GSDME: variants seen among roughly 807,000 people sequenced by gnomAD.
GSDME encodes the protein gasdermin E, also known as gasdermin-E.
GSDME carries 44 observed loss-of-function variants against 47.5 expected under a neutral mutation model. That is an observed-to-expected ratio of 0.93 (90% CI 0.73 to 1.19). The LOEUF is 1.19. Among genes scored for constraint, GSDME ranks in the 50% most tolerant of loss-of-function variants. GSDME has a pLI of 0.00. For missense variants in GSDME, 663 were observed against 604.2 expected, an observed-to-expected ratio of 1.10 and a Z score of -1.02; for synonymous variants, 258 against 252.8, an observed-to-expected ratio of 1.02 and a Z score of -0.20.
At chr7:24,765,376 T>C in the GSDME span, among the ~76,000 whole-genome samples, 1 of 152,216 alleles carries the variant, frequency 6.6e-6, no homozygotes, top group African/African-American at 2.4e-5. Context: ...ATGGGCACTG[T>C]TAAATTGTTT....
At position 24,745,585 on chromosome 7, in the gene GSDME, C is replaced by T. The variant is rs1188220281; in HGVS notation, c.212-831G>A. ...CTCACATCTCCAGGTTTCTACTATT[C>T]TCTTTTGTAATCCAAACAAAAACCA... On this transcript the variant is annotated intron_variant, in intron 2 of 9. Coordinates refer to ENST00000645220, the MANE Select transcript of GSDME (RefSeq NM_001127453.2). The surrounding 1 kb of genome is among the most constrained non-coding windows in gnomAD (Gnocchi z 4.4). 6.6e-6 allele frequency among the ~76,000 whole-genome samples: 1 copy of T among 152,146 alleles called. No homozygotes were observed. The highest frequency in any genetic ancestry group is 1.5e-5 in the Non-Finnish European group (1 of 68,026).
intron 9 of GSDME, 87 bp from the exon 10 acceptor site, chr7:24,699,346 G>A: frequency 9.8e-7 from 1 of 1,025,450 alleles, no homozygotes; most frequent in Non-Finnish European, 1.5e-6. Flanking sequence ...GTAATTCTGG[G>A]GGAAAAAACT....
At chr7:24,784,227 C>G in the GSDME span, among the ~76,000 whole-genome samples, 1 of 152,116 alleles carries the variant, frequency 6.6e-6, no homozygotes, top group African/African-American at 2.4e-5. Flanking sequence ...CTGTATTAGT[C>G]AGGGTTCTGC....
Position 24,716,177 on chromosome 7 carries a change from T to C in GSDME, c.697+1077A>G, listed in dbSNP as rs951402131. On this transcript the variant is annotated intron_variant, in intron 5 of 9. Coordinates refer to ENST00000645220, the MANE Select transcript of GSDME (RefSeq NM_001127453.2). This position sits in a 1 kb window ranked among gnomAD's most constrained non-coding sequence, Gnocchi z 4.5. ...GGTCTATCACGGCCCTTTTAAAAAC[T>C]GCTGTTACAGAAAATGTCAAACTGC... Among the ~76,000 whole-genome samples, 6 of 152,180 alleles carry C rather than the reference T, an allele frequency of 3.9e-5. No individual in the cohort carries two copies. The highest frequency in any genetic ancestry group is 5.9e-5 in the Non-Finnish European group (4 of 68,044).
chr7:24,715,753 A>G lies in GSDME; in HGVS notation c.697+1501T>C, dbSNP rs371565698. ...ACACAAATTTGGAACTACGGGCCTC[A>G]AGGAAGCCACAACACCTGGTATTCT... is the stretch of plus-strand genomic sequence containing the variant. On this transcript the variant is annotated intron_variant, in intron 5 of 9. Transcript: ENST00000645220. Among the ~76,000 whole-genome samples the G allele has an allele frequency of 6.3e-4, 96 of 152,310 alleles. 3 individuals are homozygous for G. The South Asian group carries it at 0.02, about 32-fold the overall frequency.
rs1789865110 is a variant in GSDME, at chr7:24,723,486, TG to T, written c.405-4269del. ...AAACCAGCCAAATTTCAATGCAATT[TG>T]TTTACTGTATAACCTTATATATTTT... On this transcript the variant is annotated intron_variant, in intron 3 of 9. Coordinates refer to ENST00000645220, the MANE Select transcript of GSDME (RefSeq NM_001127453.2). Among the ~76,000 whole-genome samples the T allele has an allele frequency of 3.9e-5, 6 of 152,372 alleles. No homozygotes were observed. The South Asian group carries it at 1.2e-3, about 32-fold the overall frequency.
chr7:24,782,219 C>G, the GSDME span, among the ~76,000 whole-genome samples: 1 of 123,334 alleles, frequency 8.1e-6, no homozygotes, highest in Non-Finnish European at 1.7e-5. Context: ...CTCCCCCCTC[C>G]CCCCACCCCA....
At chr7:24,780,188 G>A in the GSDME span, among the ~76,000 whole-genome samples, 2 of 152,240 alleles carry the variant, frequency 1.3e-5, no homozygotes, top group African/African-American at 2.4e-5. The surrounding 1 kb of genome is among the most constrained non-coding windows in gnomAD (Gnocchi z 4.1). Flanking sequence ...CAAAGTTCCC[G>A]CCTTGTGAAA....
intron 9 of GSDME, among the ~76,000 whole-genome samples, chr7:24,699,974 G>A (rs1327538356): frequency 6.6e-6 from 1 of 152,090 alleles, no homozygotes; most frequent in African/African-American, 2.4e-5. Context: ...CTTTTCCCTT[G>A]TTATTCCTTC....
At chr7:24,749,998 T>C (rs893564887) in intron 1 of GSDME, among the ~76,000 whole-genome samples, 2 of 152,230 alleles carry the variant, frequency 1.3e-5, no homozygotes, top group Non-Finnish European at 2.9e-5. Context: ...AGTCTGGATA[T>C]GCTAGGTTAC....
In GSDME at chr7:24,745,431, C is replaced by T. The variant is rs1383354570; in HGVS notation, c.212-677G>A. Among the ~76,000 whole-genome samples, 1 of 152,214 alleles carries T rather than the reference C, an allele frequency of 6.6e-6. No individual in the cohort carries two copies. The highest frequency in any genetic ancestry group is 1.5e-5 in the Non-Finnish European group (1 of 68,036). The stretch of plus-strand genomic sequence containing the variant: ...TCCCTTCCCATATTTATGATTCTCT[C>T]TCTGACCTCTACCCAGTCATTCAAT... On this transcript the variant is annotated intron_variant, in intron 2 of 9. Transcript: ENST00000645220. This position sits in a 1 kb window ranked among gnomAD's most constrained non-coding sequence, Gnocchi z 4.4.
In GSDME at chr7:24,721,594, G is replaced by C. The variant is rs905523863; in HGVS notation, c.405-2376C>G. 6.6e-6 allele frequency among the ~76,000 whole-genome samples: 1 copy of C among 152,190 alleles called. No individual in the cohort carries two copies. Among genetic ancestry groups the C allele is most frequent in the Non-Finnish European group, 1.5e-5 (1 of 68,032 alleles). Reference sequence around the variant, plus strand: ...TGACATGCATGCAGTGAGCCATTAGGGTGTGCCGAGCACAGAGTTAAATGC... The same window carrying C: ...TGACATGCATGCAGTGAGCCATTAGCGTGTGCCGAGCACAGAGTTAAATGC... On this transcript the variant is annotated intron_variant, in intron 3 of 9. Transcript: ENST00000645220. The surrounding 1 kb of genome is among the most constrained non-coding windows in gnomAD (Gnocchi z 4.1).
At position 24,721,601 on chromosome 7, in the gene GSDME, C is replaced by T. The variant is rs938797889; in HGVS notation, c.405-2383G>A. 7.2e-5 allele frequency among the ~76,000 whole-genome samples: 11 copies of T among 152,284 alleles called. No individual in the cohort carries two copies. The highest frequency in any genetic ancestry group is 2.1e-4 in the South Asian group (1 of 4,832). On this transcript the variant is annotated intron_variant, in intron 3 of 9. Transcript: ENST00000645220. This position sits in a 1 kb window ranked among gnomAD's most constrained non-coding sequence, Gnocchi z 4.1. ...CATGCAGTGAGCCATTAGGGTGTGC[C>T]GAGCACAGAGTTAAATGCCACACAA...
chr7:24,741,106 C>G (rs1465617340), intron 3 of GSDME, among the ~76,000 whole-genome samples: 1 of 152,038 alleles, frequency 6.6e-6, no homozygotes, highest in African/African-American at 2.4e-5. Flanking sequence ...AAACTGAACC[C>G]AAGGGCAGAA....
At chr7:24,711,480 G>A (rs758305464) in intron 5 of GSDME, among the ~76,000 whole-genome samples, 34 of 152,040 alleles carry the variant, frequency 2.2e-4, no homozygotes, top group Non-Finnish European at 4.4e-4. Context: ...CCAAAGTGCT[G>A]GGATTACAGG....
At chr7:24,700,015 C>T (rs1246270784) in intron 9 of GSDME, among the ~76,000 whole-genome samples, 2 of 152,192 alleles carry the variant, frequency 1.3e-5, no homozygotes, top group Non-Finnish European at 2.9e-5. Flanking sequence ...CTCCCCTTCT[C>T]ATCACTCAGT....
intron 7 of GSDME, 138 bp from the exon 8 acceptor site, chr7:24,706,514 G>T (rs1422334605): frequency 3.7e-6 from 3 of 806,682 alleles, no homozygotes; most frequent in Non-Finnish European, 5.8e-6. Flanking sequence ...TCTTCTCTAC[G>T]TTCTGAAATT....
chr7:24,773,372 C>T, the GSDME span, among the ~76,000 whole-genome samples: 1 of 152,164 alleles, frequency 6.6e-6, no homozygotes, highest in Non-Finnish European at 1.5e-5. This position sits in a 1 kb window ranked among gnomAD's most constrained non-coding sequence, Gnocchi z 5.4. Context: ...TAGGATAAAG[C>T]ACTATTATTA....
Position 24,732,569 on chromosome 7 carries a change from C to T in GSDME, c.404+11993G>A, listed in dbSNP as rs889666079. Among the ~76,000 whole-genome samples, 9 of 152,314 alleles carry T rather than the reference C, an allele frequency of 5.9e-5. No individual in the cohort carries two copies. The highest frequency in any genetic ancestry group is 1.9e-4 in the African/African-American group (8 of 41,572). On this transcript the variant is annotated intron_variant, in intron 3 of 9. Transcript: ENST00000645220. The surrounding 1 kb of genome is among the most constrained non-coding windows in gnomAD (Gnocchi z 4.8). ...GCAGTCTTGAATTGCCAACACCACC[C>T]CTCCCCTATCTCTGGGCAGCAGCCA...
Sources: allele counts gnomAD v4.1 joint callset (sites outside exome capture counted in the v4.1 genomes callset), GRCh38; gene constraint gnomAD v4.1.1; non-coding constraint Gnocchi (gnomAD v3.1); transcripts MANE v1.5; gene names NCBI Gene and HGNC (gene_info 2026-07-23, HGNC 2026-07-21).